The following TASOR2 variants were observed in gnomAD, a reference collection of about 807,000 sequenced individuals.
The protein encoded by TASOR2 is transcription activation suppressor family member 2.
TASOR2 carries 84 observed loss-of-function variants against 199.5 expected under a neutral mutation model. The observed-to-expected ratio is 0.42, with a 90% CI of 0.35 to 0.50. The LOEUF (loss-of-function observed/expected upper bound fraction) is 0.50. TASOR2 is among the 20% of genes least tolerant of loss of function. The probability of loss-of-function intolerance (pLI) is 0.02; values close to 1 mark genes in which losing one functional copy is unlikely to be tolerated. For synonymous variants in TASOR2, 1,103 were observed against 1,046.6 expected (o/e 1.05, Z -1.04); for missense variants, 2,796 against 2,835.9 (o/e 0.99, Z 0.32).
At chr10:5,714,383 T>C (rs980098780) in intron 2 of TASOR2, 176 bp downstream of exon 3, 7 of 390,878 alleles carry the variant, frequency 1.8e-5, no homozygotes, top group Admixed American at 4.5e-5. Context: ...AGTCTAAAAC[T>C]TAACAGTATT....
chr10:5,687,959 TA>T lies in TASOR2; in HGVS notation c.-288+2786del, dbSNP rs1835975354. 1.3e-5 allele frequency among the ~76,000 whole-genome samples: 2 copies of T among 152,242 alleles called. No individual in the cohort carries two copies. Among genetic ancestry groups the T allele is most frequent in the Admixed American group, 1.3e-4 (2 of 15,280 alleles). On this transcript the variant is annotated intron_variant, in intron 1 of 20. Transcript: ENST00000328090. This position sits in a 1 kb window ranked among gnomAD's most constrained non-coding sequence, Gnocchi z 4.8. Reference sequence around the variant, plus strand: ...TTAAATATAATAACCCATTACATCTTAACATATTTTATCTCCCCAAAATTAG... The same window carrying T: ...TTAAATATAATAACCCATTACATCTTACATATTTTATCTCCCCAAAATTAG...
rs1451971313 is a variant in TASOR2 at position 5,720,605 on chromosome 10, A to T, written c.-38A>T. ...GAACGACCCAGACAGATCTGTCCTT[A>T]TGTAATTGTAGCTTTTCGATACAGG... On this transcript the variant is annotated 5_prime_UTR_variant, in exon 4 of 21. The change abolishes an upstream ATG in the 5' untranslated region. Coordinates refer to ENST00000328090, the Ensembl canonical transcript of TASOR2. This position sits in a 1 kb window ranked among gnomAD's most constrained non-coding sequence, Gnocchi z 5.3. 1.2e-6 allele frequency: 2 copies of T among 1,613,724 alleles called. No individual in the cohort carries two copies. Among genetic ancestry groups the T allele is most frequent in the African/African-American group, 2.7e-5 (2 of 74,906 alleles).
At chr10:5,721,429 G>A (rs181172553) in intron 6 of TASOR2, among the ~76,000 whole-genome samples, 68 of 152,172 alleles carry the variant, frequency 4.5e-4, no homozygotes, top group African/African-American at 1.6e-3. Flanking sequence ...GAACATCTTA[G>A]GAAATCTTTT....
exon 15 of TASOR2, chr10:5,749,349 C>T (rs768791842): frequency 1.1e-5 from 17 of 1,614,122 alleles, no homozygotes; most frequent in Non-Finnish European, 1.4e-5. Flanking sequence ...ACACTTTAGA[C>T]CTGGAGTATC....
exon 15 of TASOR2, chr10:5,749,510 A>G (rs1183430055): frequency 6.2e-7 from 1 of 1,614,100 alleles, no homozygotes. Flanking sequence ...CCATTTCTGC[A>G]TCCTGCACCT....
chr10:5,741,311 A>G (rs1278661446), intron 13 of TASOR2, among the ~76,000 whole-genome samples: 2 of 152,254 alleles, frequency 1.3e-5, no homozygotes, highest in East Asian at 1.9e-4. Context: ...AATGGTAACC[A>G]TCACTGTTAG....
rs1283932792 is a variant in TASOR2 at position 5,737,276 on chromosome 10, T to G, written c.1447+1730T>G. Among the ~76,000 whole-genome samples the G allele has an allele frequency of 6.6e-6, 1 of 152,094 alleles. No individual in the cohort carries two copies. The highest frequency in any genetic ancestry group is 6.5e-5 in the Admixed American group (1 of 15,272). ...CCACCACGCCCAGCCAGGTTTGTTT[T>G]TTTTAGTTTTTTTGTTTTTTTTTTC... On this transcript the variant is annotated intron_variant, in intron 12 of 20. Coordinates refer to ENST00000328090, the Ensembl canonical transcript of TASOR2. The surrounding 1 kb of genome is among the most constrained non-coding windows in gnomAD (Gnocchi z 4.9).
chr10:5,713,298 A>G (rs554356103), intron 2 of TASOR2, among the ~76,000 whole-genome samples: 1 of 152,068 alleles, frequency 6.6e-6, no homozygotes, highest in African/African-American at 2.4e-5. Flanking sequence ...GATTTGGGAG[A>G]TAAATCATGT....
intron 15 of TASOR2, among the ~76,000 whole-genome samples, chr10:5,755,046 CAA>C (rs34884255): frequency 3.0e-3 from 237 of 78,096 alleles, no homozygotes; most frequent in African/African-American, 9.1e-3. Flanking sequence ...ACTCTTGTCT[CAA>C]AAAAAAAAAA....
At chr10:5,762,936 A>G in intron 20 of TASOR2, 93 bp from the exon 22 acceptor site, 1 of 1,170,356 alleles carries the variant, frequency 8.5e-7, no homozygotes, top group Non-Finnish European at 1.2e-6. Context: ...CTTAGAATGC[A>G]TAGGCGTTTT....
rs965834132 is a variant in TASOR2, at chr10:5,754,609, C to G, written c.6607-2004C>G. Among the ~76,000 whole-genome samples the G allele has an allele frequency of 6.6e-6, 1 of 151,836 alleles. No homozygotes were observed. The highest frequency in any genetic ancestry group is 1.5e-5 in the Non-Finnish European group (1 of 67,970). On this transcript the variant is annotated intron_variant, in intron 15 of 20. Coordinates refer to ENST00000328090, the Ensembl canonical transcript of TASOR2. This position sits in a 1 kb window ranked among gnomAD's most constrained non-coding sequence, Gnocchi z 4.3. ...TTCACCATGTTGGCCAGGCTGGTCT[C>G]GAACTCCATAGCAGGAGTTCTTCTA... is the stretch of plus-strand genomic sequence containing the variant.
rs145587727 is a variant in TASOR2, at chr10:5,758,584, G to A, written c.6887-303G>A. Among the ~76,000 whole-genome samples, 1,258 of 152,228 alleles carry A rather than the reference G, an allele frequency of 8.3e-3. 7 individuals carry two copies. The highest frequency in any genetic ancestry group is 0.015 in the South Asian group (73 of 4,822). ...AGAAACTTCATTTCTCTACTGCATCGGGGCCTCCTGCTTCTCTTCTGTCAC... is the reference window on the plus strand; with the variant it reads ...AGAAACTTCATTTCTCTACTGCATCAGGGCCTCCTGCTTCTCTTCTGTCAC... On this transcript the variant is annotated intron_variant, in intron 17 of 20. Transcript: ENST00000328090.
chr10:5,735,456 A>C, exon 12 of TASOR2: 9 of 1,614,182 alleles, frequency 5.6e-6, no homozygotes, highest in Non-Finnish European at 7.6e-6. Flanking sequence ...TCCAAGGGCT[A>C]AGCCACCTGT....
chr10:5,700,101 C>T (rs1837624069), intron 1 of TASOR2, among the ~76,000 whole-genome samples: 1 of 152,044 alleles, frequency 6.6e-6, no homozygotes, highest in African/African-American at 2.4e-5. Context: ...TCCTCCTACC[C>T]TTTCCAGCCT....
chr10:5,759,932 C>T (rs193127377), intron 18 of TASOR2, among the ~76,000 whole-genome samples: 2 of 152,170 alleles, frequency 1.3e-5, no homozygotes, highest in East Asian at 1.9e-4. Flanking sequence ...ACGTCAACTT[C>T]GGTAAGTAGA....
At chr10:5,693,892 G>A (rs1836802159) in intron 1 of TASOR2, among the ~76,000 whole-genome samples, 1 of 152,306 alleles carries the variant, frequency 6.6e-6, no homozygotes, top group South Asian at 2.1e-4. Flanking sequence ...AACAGACAAT[G>A]CCTGCCTCTA....
rs553308294 is a variant in TASOR2, at chr10:5,695,360, C to T, written c.-288+10185C>T. On this transcript the variant is annotated intron_variant, in intron 1 of 20. Coordinates refer to ENST00000328090, the Ensembl canonical transcript of TASOR2. Reference sequence around the variant, plus strand: ...GCTTTGAGATAATATCATTGAAGATCTTTAGATTGTGCTTTTTATGCATTT... The same window carrying T: ...GCTTTGAGATAATATCATTGAAGATTTTTAGATTGTGCTTTTTATGCATTT... 9.9e-5 allele frequency among the ~76,000 whole-genome samples: 15 copies of T among 152,244 alleles called. No individual in the cohort carries two copies. The East Asian group carries it at 2.9e-3, about 29-fold the overall frequency.
Position 5,701,965 on chromosome 10 carries a change from A to G in TASOR2, c.-287-10858A>G, listed in dbSNP as rs537252328. On this transcript the variant is annotated intron_variant, in intron 1 of 20. Coordinates refer to ENST00000328090, the Ensembl canonical transcript of TASOR2. The surrounding 1 kb of genome is among the most constrained non-coding windows in gnomAD (Gnocchi z 4.9). ...GCCCTCTATTTCTTTCTCTTGCCTA[A>G]TTGCTCTGCCCAGTACTTCCAGTAC... 6.6e-6 allele frequency among the ~76,000 whole-genome samples: 1 copy of G among 152,188 alleles called. No homozygotes were observed. Among genetic ancestry groups the G allele is most frequent in the South Asian group, 2.1e-4 (1 of 4,816 alleles).
intron 18 of TASOR2, among the ~76,000 whole-genome samples, chr10:5,760,499 C>A (rs1839647595): frequency 6.6e-6 from 1 of 152,118 alleles, no homozygotes; most frequent in Admixed American, 6.6e-5. Context: ...AACCTCAGTT[C>A]CATCTCTAGG....
Sources: allele counts gnomAD v4.1 joint callset (sites outside exome capture counted in the v4.1 genomes callset), GRCh38; gene constraint gnomAD v4.1.1; non-coding constraint Gnocchi (gnomAD v3.1); transcripts MANE v1.5; gene names NCBI Gene and HGNC (gene_info 2026-07-23, HGNC 2026-07-21).